Variants in EPHA6 observed in about 807,000 individuals in gnomAD.
EPHA6 encodes the protein EPH receptor A6.
Under a neutral mutation model 112.0 loss-of-function variants are expected in EPHA6, and 50 were observed. The observed-to-expected ratio is 0.45, with a 90% confidence interval of 0.36 to 0.56. The LOEUF (loss-of-function observed/expected upper bound fraction) is 0.56, where lower values mean the gene tolerates loss of function less well. EPHA6 is among the 20% of genes least tolerant of loss of function. The pLI is 0.00. For synonymous variants in EPHA6, 529 were observed against 490.7 expected (o/e 1.08, Z -1.03); for missense variants, 1,280 against 1,417.4 (o/e 0.90, Z 1.56).
intron 3 of EPHA6, among the ~76,000 whole-genome samples, chr3:97,213,035 A>C (rs1366447566): frequency 6.6e-6 from 1 of 152,168 alleles, no homozygotes; most frequent in African/African-American, 2.4e-5. Context: ...CTAGTTCTTA[A>C]GTCTTTGGCA....
rs201131335 is a variant in EPHA6, at chr3:97,462,792, A to AG, written c.1895-12558dup. On this transcript the variant is annotated intron_variant, in intron 7 of 17. Transcript: ENST00000389672. ...TTACTGAGCATAATAACTGAAAAGA[A>AG]GGCTACTCCATTCTTTTCTAACTTA... is the stretch of plus-strand genomic sequence containing the variant. 5.8e-4 allele frequency among the ~76,000 whole-genome samples: 88 copies of AG among 152,294 alleles called. 1 individual carries two copies. The East Asian group carries it at 0.016, about 28-fold the overall frequency.
At chr3:97,063,837 G>A (rs976556685) in intron 3 of EPHA6, among the ~76,000 whole-genome samples, 1 of 152,116 alleles carries the variant, frequency 6.6e-6, no homozygotes, top group African/African-American at 2.4e-5. Flanking sequence ...ATGTCAGCTG[G>A]TAAGTAATAA....
chr3:96,907,477 A>T (rs2038996157), intron 2 of EPHA6, among the ~76,000 whole-genome samples: 1 of 138,866 alleles, frequency 7.2e-6, no homozygotes, highest in South Asian at 2.4e-4. Context: ...TAGGAAAAAA[A>T]ATTCATTTTG....
At chr3:97,051,742 A>G (rs1428467613) in intron 3 of EPHA6, among the ~76,000 whole-genome samples, 1 of 152,122 alleles carries the variant, frequency 6.6e-6, no homozygotes, top group Non-Finnish European at 1.5e-5. Flanking sequence ...CACAGGAATT[A>G]GTTGGAAGGC....
At chr3:96,826,509 A>T (rs575116331) in intron 1 of EPHA6, among the ~76,000 whole-genome samples, 82 of 152,166 alleles carry the variant, frequency 5.4e-4, no homozygotes, top group South Asian at 3.3e-3. Context: ...CAAGTCTAAG[A>T]TTATCCTGTT....
chr3:97,497,683 T>C (rs2092015256), intron 10 of EPHA6, among the ~76,000 whole-genome samples: 7 of 152,142 alleles, frequency 4.6e-5, no homozygotes, highest in Admixed American at 4.6e-4. Context: ...TATTTATCTA[T>C]TAAATGACTT....
At chr3:97,009,648 G>C (rs79419643) in intron 3 of EPHA6, among the ~76,000 whole-genome samples, 5 of 152,342 alleles carry the variant, frequency 3.3e-5, no homozygotes, top group African/African-American at 1.2e-4. Context: ...AAGGAGTTTC[G>C]TTGGCTTAAG....
intron 2 of EPHA6, among the ~76,000 whole-genome samples, chr3:96,950,036 G>A (rs2041459186): frequency 6.6e-6 from 1 of 152,024 alleles, no homozygotes; most frequent in African/African-American, 2.4e-5. Flanking sequence ...AACAAATAAA[G>A]TTCTATTCAG....
intron 6 of EPHA6, among the ~76,000 whole-genome samples, chr3:97,440,559 A>C (rs1377240000): frequency 2.0e-5 from 3 of 151,282 alleles, no homozygotes; most frequent in East Asian, 1.9e-4. Context: ...ATTAAAAAAA[A>C]CCCACCACAT....
chr3:97,423,911 C>T (rs1289369571), intron 6 of EPHA6, among the ~76,000 whole-genome samples: 1 of 152,196 alleles, frequency 6.6e-6, no homozygotes, highest in Non-Finnish European at 1.5e-5. Flanking sequence ...AAAGGACTCT[C>T]TATTCAATCA....
chr3:97,024,547 A>G (rs1338158251), intron 3 of EPHA6, among the ~76,000 whole-genome samples: 1 of 152,222 alleles, frequency 6.6e-6, no homozygotes, highest in Non-Finnish European at 1.5e-5. Flanking sequence ...ACAGAGAGCT[A>G]TTTGTTGTTT....
At chr3:97,460,094 G>A (rs1341792154) in intron 7 of EPHA6, among the ~76,000 whole-genome samples, 47 of 152,322 alleles carry the variant, frequency 3.1e-4, no homozygotes, top group Non-Finnish European at 1.6e-4. Flanking sequence ...CACCAAAACT[G>A]ACATGCCATG....
At chr3:97,120,113 G>A (rs977101701) in intron 3 of EPHA6, among the ~76,000 whole-genome samples, 3 of 151,854 alleles carry the variant, frequency 2.0e-5, no homozygotes, top group Non-Finnish European at 1.5e-5. Flanking sequence ...TGAAGCTCAG[G>A]TTCCTTCTAG....
intron 5 of EPHA6, among the ~76,000 whole-genome samples, chr3:97,401,748 G>T (rs886554273): frequency 6.6e-6 from 1 of 151,466 alleles, no homozygotes; most frequent in Non-Finnish European, 1.5e-5. Context: ...TCCTTTAGAT[G>T]CATCATTAGA....
chr3:97,471,496 T>TCTTA (rs2091226783), intron 7 of EPHA6, among the ~76,000 whole-genome samples: 1 of 151,658 alleles, frequency 6.6e-6, no homozygotes, highest in South Asian at 2.1e-4. Context: ...ACTAATAAAT[T>TCTTA]CTTAACCTTA....
At chr3:97,464,923 G>A (rs2091006724) in intron 7 of EPHA6, among the ~76,000 whole-genome samples, 1 of 152,068 alleles carries the variant, frequency 6.6e-6, no homozygotes, top group Non-Finnish European at 1.5e-5. Flanking sequence ...CTTTCTGGCA[G>A]CAGTAGGATA....
intron 14 of EPHA6, among the ~76,000 whole-genome samples, chr3:97,639,103 A>G (rs753759482): frequency 3.3e-5 from 5 of 152,092 alleles, no homozygotes; most frequent in Non-Finnish European, 7.4e-5. Flanking sequence ...TAATTTATCA[A>G]TGATATTTTT....
rs189962053 is a variant in EPHA6 at position 97,346,073 on chromosome 3, G to A, written c.1607-59077G>A. 1.3e-4 allele frequency among the ~76,000 whole-genome samples: 20 copies of A among 152,168 alleles called. No individual in the cohort carries two copies. In the East Asian group the frequency reaches 3.9e-3, roughly 29 times the overall value. ...TACTGCATTGGTGGATAACCAGCAAGGTTTCTGATATTTTTTTTTTCCAGA... is the reference window on the plus strand; with the variant it reads ...TACTGCATTGGTGGATAACCAGCAAAGTTTCTGATATTTTTTTTTTCCAGA... On this transcript the variant is annotated intron_variant, in intron 5 of 17. Coordinates refer to ENST00000389672, the MANE Select transcript of EPHA6 (RefSeq NM_001080448.3).
chr3:97,024,283 A>G (rs186701768), intron 3 of EPHA6, among the ~76,000 whole-genome samples: 1 of 152,262 alleles, frequency 6.6e-6, no homozygotes, highest in Admixed American at 6.5e-5. Context: ...ATGCCCAAAT[A>G]ATGCATTGAT....
Sources: allele counts gnomAD v4.1 joint callset (sites outside exome capture counted in the v4.1 genomes callset), GRCh38; gene constraint gnomAD v4.1.1; transcripts MANE v1.5; gene names NCBI Gene and HGNC (gene_info 2026-07-23, HGNC 2026-07-21).